Variants in ZSWIM2 observed in about 807,000 individuals in gnomAD.
ZSWIM2 encodes the protein zinc finger SWIM-type containing 2.
Under a neutral mutation model 48.4 loss-of-function variants are expected in ZSWIM2, and 38 were observed. The observed-to-expected ratio is 0.79, with a 90% CI of 0.61 to 1.03. The LOEUF is 1.03. Among genes scored for constraint, ZSWIM2 ranks in the 50% least tolerant of loss-of-function variants. ZSWIM2 has a pLI of 0.00. For synonymous variants in ZSWIM2, 240 were observed against 251.3 expected, an observed-to-expected ratio of 0.96 and a Z score of 0.42; for missense variants, 776 against 730.2, an observed-to-expected ratio of 1.06 and a Z score of -0.72.
rs1691751797 is a variant in ZSWIM2 at position 186,834,127 on chromosome 2, T to C, written c.744-97A>G. The C allele has an allele frequency of 4.8e-6, 4 of 833,252 alleles. 1 individual carries two copies. The highest frequency in any genetic ancestry group is 4.8e-5 in the South Asian group (3 of 63,128). The allele number at this position is 833,252 out of a possible 1,614,324, so 51.6% of individuals were successfully genotyped here. On this transcript the variant is annotated intron_variant, in intron 5 of 8. Coordinates refer to ENST00000295131, the MANE Select transcript of ZSWIM2 (RefSeq NM_182521.3). Reference sequence around the variant, plus strand: ...TCTGACCAAAACTTCCTGGGAACAATCCAAACATGACAAGGTTCACCTCAA... The same window carrying C: ...TCTGACCAAAACTTCCTGGGAACAACCCAAACATGACAAGGTTCACCTCAA...
At chr2:186,830,609 AC>A (rs1691681849) in intron 7 of ZSWIM2, among the ~76,000 whole-genome samples, 1 of 152,002 alleles carries the variant, frequency 6.6e-6, no homozygotes, top group African/African-American at 2.4e-5. Flanking sequence ...ATTCCAGGCT[AC>A]TATGATAAAT....
At chr2:186,847,857 A>G in intron 1 of ZSWIM2, 62 bp from the exon 2 acceptor site, 1 of 1,195,488 alleles carries the variant, frequency 8.4e-7, no homozygotes, top group Non-Finnish European at 1.2e-6. Context: ...AGCAAAACTG[A>G]GTTAATAAAA....
At chr2:186,838,809 G>C (rs553130708) in intron 4 of ZSWIM2, 150 bp downstream of exon 4, 1 of 305,974 alleles carries the variant, frequency 3.3e-6, no homozygotes, top group Admixed American at 4.9e-5. Context: ...ATGTGTGTGT[G>C]TTAGGAAATA....
chr2:186,841,352 A>ATCTT (rs140645369), intron 3 of ZSWIM2, among the ~76,000 whole-genome samples: 150,138 of 151,196 alleles, frequency 0.99, 74,555 homozygotes, highest in Middle Eastern at 1. Context: ...TGCTGTTAAT[A>ATCTT]TCTTTGTATG....
intron 3 of ZSWIM2, among the ~76,000 whole-genome samples, chr2:186,840,952 CA>C (rs1438565382): frequency 6.6e-6 from 1 of 151,392 alleles, no homozygotes; most frequent in Non-Finnish European, 1.5e-5. Flanking sequence ...ATACAATTCA[CA>C]TAAAACACAA....
rs944803967 is a variant in ZSWIM2 at position 186,827,554 on chromosome 2, T to C, written c.*430A>G. ...AACTCCTTTATGGAGTTTTTTAAGG[T>C]TTTTTTTTATAGGTTTGTGGTAATT... On this transcript the variant is annotated 3_prime_UTR_variant, in exon 9 of 9. Coordinates refer to ENST00000295131, the MANE Select transcript of ZSWIM2 (RefSeq NM_182521.3). 1.1e-5 allele frequency among the ~76,000 whole-genome samples: 1 copy of C among 89,434 alleles called. No individual in the cohort carries two copies. Among genetic ancestry groups the C allele is most frequent in the Non-Finnish European group, 2.9e-5 (1 of 34,596 alleles). The allele number at this position is 89,434 out of a possible 152,430, so 58.7% of individuals were successfully genotyped here.
chr2:186,845,161 C>T (rs1388265596), intron 2 of ZSWIM2, among the ~76,000 whole-genome samples: 3 of 149,304 alleles, frequency 2.0e-5, no homozygotes, highest in African/African-American at 7.5e-5. Context: ...ACCTCTCTAA[C>T]GCATGATATA....
At chr2:186,841,918 A>G (rs900015964) in intron 3 of ZSWIM2, among the ~76,000 whole-genome samples, 1 of 151,342 alleles carries the variant, frequency 6.6e-6, no homozygotes, top group Admixed American at 6.6e-5. Context: ...AGAAGATAGT[A>G]TTCACTAGTT....
rs1691627006 is a variant in ZSWIM2, at chr2:186,828,008, T to C, written c.1878A>G (p.Leu626=). 1 of 1,590,138 alleles carries C rather than the reference T, an allele frequency of 6.3e-7. No homozygotes were observed. Among genetic ancestry groups the C allele is most frequent in the South Asian group, 1.1e-5 (1 of 87,166 alleles). The change falls in exon 9 of 9, where the codon TTA becomes TTG. Residue 626 remains leucine, a synonymous_variant. Coordinates refer to ENST00000295131, the MANE Select transcript of ZSWIM2 (RefSeq NM_182521.3). ...SVNTKSTELS[L]IIEGVQL ...TTCACAATTGAACTCCTTCTATTAT[T>C]AAAGATAGCTCAGTACTTTTTGTAT...
At chr2:186,848,931 G>A (rs1194070908) in intron 1 of ZSWIM2, 35 bp downstream of exon 1, 2 of 1,612,304 alleles carry the variant, frequency 1.2e-6, no homozygotes, top group Non-Finnish European at 1.7e-6. Context: ...GGGCGGGGAT[G>A]ATGGCCAACT....
At chr2:186,839,930 T>G (rs2105820391) in intron 3 of ZSWIM2, among the ~76,000 whole-genome samples, 1 of 151,804 alleles carries the variant, frequency 6.6e-6, no homozygotes, top group East Asian at 1.9e-4. Context: ...CATGTCATAA[T>G]TTAAATGCTA....
intron 1 of ZSWIM2, 100 bp downstream of exon 1, chr2:186,848,866 G>C: frequency 6.7e-7 from 1 of 1,487,120 alleles, no homozygotes; most frequent in Non-Finnish European, 9.3e-7. Context: ...GCAAGTATCC[G>C]CAGAGATTGT....
At chr2:186,842,921 T>C (rs1415240124) in intron 3 of ZSWIM2, among the ~76,000 whole-genome samples, 4 of 151,562 alleles carry the variant, frequency 2.6e-5, no homozygotes, top group Admixed American at 2.6e-4. Flanking sequence ...ACAGATCAAA[T>C]ATTTCCATTG....
intron 5 of ZSWIM2, among the ~76,000 whole-genome samples, chr2:186,836,240 C>T (rs143435169): frequency 1.4e-4 from 22 of 152,186 alleles, no homozygotes; most frequent in East Asian, 1.2e-3. Context: ...AATGCCCATA[C>T]GATGGCTGCT....
rs1159731307 is a variant in ZSWIM2 at position 186,828,007 on chromosome 2, T to C, written c.1879A>G (p.Ile627Val). 1.3e-6 allele frequency: 2 copies of C among 1,590,098 alleles called. No individual in the cohort carries two copies. Among genetic ancestry groups the C allele is most frequent in the Non-Finnish European group, 1.7e-6 (2 of 1,171,618 alleles). The change falls in exon 9 of 9, where the codon ATA (isoleucine) becomes GTA (valine). Residue 627 changes from isoleucine (I) to valine (V), a missense_variant. Coordinates refer to ENST00000295131, the MANE Select transcript of ZSWIM2 (RefSeq NM_182521.3). ...VNTKSTELSL[I>V]IEGVQL ...TTTCACAATTGAACTCCTTCTATTATTAAAGATAGCTCAGTACTTTTTGTA... is the reference window on the plus strand; with the variant it reads ...TTTCACAATTGAACTCCTTCTATTACTAAAGATAGCTCAGTACTTTTTGTA...
At chr2:186,848,859 A>C (rs1438563582) in intron 1 of ZSWIM2, 107 bp downstream of exon 1, 1 of 1,440,140 alleles carries the variant, frequency 6.9e-7, no homozygotes, top group Non-Finnish European at 9.6e-7. Flanking sequence ...TGAGGCAGCA[A>C]GTATCCGCAG....
intron 2 of ZSWIM2, 116 bp from the exon 3 acceptor site, chr2:186,844,873 TTATGAATAAA>T: frequency 1.1e-6 from 1 of 901,462 alleles, no homozygotes; most frequent in Non-Finnish European, 1.6e-6. Flanking sequence ...ATGGAAAGTG[TTATGAATAAA>T]CTTAAAAATC....
intron 2 of ZSWIM2, among the ~76,000 whole-genome samples, chr2:186,846,895 A>T (rs1296660270): frequency 1.3e-5 from 2 of 151,654 alleles, no homozygotes; most frequent in Admixed American, 6.6e-5. Context: ...ATGGAACTGG[A>T]GGCCAATATC....
intron 6 of ZSWIM2, 92 bp from the exon 7 acceptor site, chr2:186,833,324 A>G (rs775567583): frequency 1.2e-5 from 7 of 579,944 alleles, no homozygotes; most frequent in Non-Finnish European, 2.1e-5. Context: ...CAATAATGTG[A>G]ACAATACACA....
Sources: gnomAD v4.1 joint callset for allele counts (sites outside exome capture counted in the v4.1 genomes callset) on GRCh38, gnomAD v4.1.1 for gene constraint, MANE v1.5 for transcripts, NCBI Gene and HGNC (gene_info 2026-07-23, HGNC 2026-07-21) for gene names.